RORA: variants seen among roughly 807,000 people sequenced by gnomAD.
The protein encoded by RORA is RAR related orphan receptor A.
Under a neutral mutation model 69.5 loss-of-function variants are expected in RORA, and 7 were observed. The observed-to-expected ratio is 0.10, with a 90% CI of 0.06 to 0.19. The LOEUF is 0.19. RORA is among the 10% of genes least tolerant of loss of function. The pLI, the probability that RORA is intolerant of heterozygous loss-of-function variation, is 1.00. For missense variants in RORA, 457 were observed against 663.0 expected, an observed-to-expected ratio of 0.69 and a Z score of 3.41; for synonymous variants, 261 against 240.8, an observed-to-expected ratio of 1.08 and a Z score of -0.78.
intron 2 of RORA, 43 bp downstream of exon 2, chr15:60,678,614 A>G: frequency 6.7e-7 from 1 of 1,492,794 alleles, no homozygotes; most frequent in South Asian, 1.1e-5. Context: ...GCGAATTCCA[A>G]CTCTTCAGAA....
chr15:60,875,056 A>G (rs2073598515), intron 1 of RORA, among the ~76,000 whole-genome samples: 1 of 152,092 alleles, frequency 6.6e-6, no homozygotes, highest in South Asian at 2.1e-4. Flanking sequence ...AAACACTGAG[A>G]CTCAGAGAGG....
chr15:61,119,987 T>C (rs1431312849), intron 1 of RORA, among the ~76,000 whole-genome samples: 4 of 152,012 alleles, frequency 2.6e-5, no homozygotes, highest in South Asian at 2.1e-4. Context: ...ACAGAGATGA[T>C]GGTAAAGGAG....
At chr15:60,966,200 T>G (rs1893550491) in intron 1 of RORA, among the ~76,000 whole-genome samples, 2 of 152,340 alleles carry the variant, frequency 1.3e-5, no homozygotes, top group South Asian at 4.1e-4. Context: ...ATATCAGTCC[T>G]GCTGGATTAG....
chr15:60,531,862 A>AGCAC lies in RORA; in HGVS notation c.197-15_197-12dup, dbSNP rs1397541430. 1 of 1,547,058 alleles carries AGCAC rather than the reference A, an allele frequency of 6.5e-7. No individual in the cohort carries two copies. The highest frequency in any genetic ancestry group is 1.9e-5 in the Admixed American group (1 of 52,406). On this transcript the variant is annotated splice_polypyrimidine_tract_variant and intron_variant, in intron 2 of 10. Coordinates refer to ENST00000335670, the MANE Select transcript of RORA (RefSeq NM_134261.3). The surrounding 1 kb of genome is among the most constrained non-coding windows in gnomAD (Gnocchi z 4.8). ...TAATTTCAATTTGAGCTGCAACAGA[A>AGCAC]GCACGCAACCAGTTAATTACATTTT...
At chr15:61,000,293 C>T (rs1292616774) in intron 1 of RORA, among the ~76,000 whole-genome samples, 1 of 152,186 alleles carries the variant, frequency 6.6e-6, no homozygotes, top group Non-Finnish European at 1.5e-5. Context: ...TAACGTGTGG[C>T]TTACACAGGT....
intron 1 of RORA, among the ~76,000 whole-genome samples, chr15:61,129,863 T>G (rs2079174919): frequency 6.6e-6 from 1 of 152,204 alleles, no homozygotes; most frequent in Non-Finnish European, 1.5e-5. Context: ...GATCCCCACT[T>G]TCCCCCACCT....
At chr15:61,089,465 C>A (rs1432947297) in intron 1 of RORA, among the ~76,000 whole-genome samples, 1 of 152,252 alleles carries the variant, frequency 6.6e-6, no homozygotes, top group South Asian at 2.1e-4. Flanking sequence ...CATATATATA[C>A]ACAGAAAATG....
chr15:60,558,102 A>C, intron 2 of RORA: 1 of 559,308 alleles, frequency 1.8e-6, no homozygotes, highest in Non-Finnish European at 3.0e-6. Flanking sequence ...GAGAAAACCA[A>C]GATTTTTGTC....
chr15:60,941,426 C>T (rs1472854140), intron 1 of RORA, among the ~76,000 whole-genome samples: 1 of 152,204 alleles, frequency 6.6e-6, no homozygotes, highest in African/African-American at 2.4e-5. Context: ...ACCCCAGGGC[C>T]AAATCTGGCT....
Position 60,490,383 on chromosome 15 carries a change from G to A in RORA, c.*7072C>T, listed in dbSNP as rs2065022430. 1 of 152,072 alleles carries A rather than the reference G, an allele frequency of 6.6e-6. No individual in the cohort carries two copies. Among genetic ancestry groups the A allele is most frequent in the Non-Finnish European group, 1.5e-5 (1 of 67,970 alleles). 9.4% of individuals were successfully genotyped at this position (152,072 alleles called of 1,614,324 possible). The stretch of plus-strand genomic sequence containing the variant: ...TAAAACCGGTATTATACAGCATATT[G>A]TGGATTTGATAAACAGATAAATATT... On this transcript the variant is annotated 3_prime_UTR_variant, in exon 11 of 11. Transcript: ENST00000335670. The surrounding 1 kb of genome is among the most constrained non-coding windows in gnomAD (Gnocchi z 4.1).
At chr15:61,023,610 C>T (rs1010883357) in intron 1 of RORA, among the ~76,000 whole-genome samples, 1 of 152,178 alleles carries the variant, frequency 6.6e-6, no homozygotes, top group African/African-American at 2.4e-5. Context: ...AAAGGTGGGA[C>T]AATCTCAAGA....
At chr15:61,121,288 A>G (rs942824411) in intron 1 of RORA, among the ~76,000 whole-genome samples, 1 of 152,188 alleles carries the variant, frequency 6.6e-6, no homozygotes, top group African/African-American at 2.4e-5. Flanking sequence ...AGGAAGTGGA[A>G]CTGGGTGGCT....
chr15:61,173,107 CA>C (rs1362686497), intron 1 of RORA, among the ~76,000 whole-genome samples: 1 of 152,044 alleles, frequency 6.6e-6, no homozygotes, highest in Non-Finnish European at 1.5e-5. Flanking sequence ...CATTTTTGAA[CA>C]TTTTCTTTCT....
chr15:60,834,135 ATAT>A lies in RORA; in HGVS notation c.167-155452_167-155450del, dbSNP rs2073083902. Among the ~76,000 whole-genome samples the A allele has an allele frequency of 1.3e-5, 2 of 152,212 alleles. 1 individual carries two copies. The highest frequency in any genetic ancestry group is 4.2e-4 in the South Asian group (2 of 4,816). On this transcript the variant is annotated intron_variant, in intron 1 of 10. Coordinates refer to ENST00000335670, the MANE Select transcript of RORA (RefSeq NM_134261.3). ...AAAGGTAAAAATAACAGTTCCTCAA[ATAT>A]TATAAAACTGCATAGAAAAGTCTCT...
chr15:60,998,906 G>A (rs930868773), intron 1 of RORA, among the ~76,000 whole-genome samples: 8 of 152,326 alleles, frequency 5.3e-5, no homozygotes, highest in African/African-American at 1.9e-4. Flanking sequence ...ACAGCCATAG[G>A]AGGCTCAGAT....
At chr15:60,597,406 G>A (rs1156937919) in intron 2 of RORA, among the ~76,000 whole-genome samples, 1 of 148,408 alleles carries the variant, frequency 6.7e-6, no homozygotes, top group Non-Finnish European at 1.5e-5. Flanking sequence ...ACCAGTCAAG[G>A]CAGGAAGGGG....
chr15:60,624,487 T>TATATATATATATATAC (rs1231454533), intron 2 of RORA, among the ~76,000 whole-genome samples: 4 of 122,760 alleles, frequency 3.3e-5, no homozygotes, highest in African/African-American at 1.3e-4. Context: ...TATATATATA[T>TATATATATATATATAC]ATATATATAT....
Position 60,489,853 on chromosome 15 carries a change from A to G in RORA, c.*7602T>C, listed in dbSNP as rs2065013764. 4 of 152,324 alleles carry G rather than the reference A, an allele frequency of 2.6e-5. No homozygotes were observed. The allele number at this position is 152,324 out of a possible 1,614,324, so 9.4% of individuals were successfully genotyped here. The stretch of plus-strand genomic sequence containing the variant: ...AGTAATACAATTCCTTAATAAGAAA[A>G]AAAAGTATATTACTCCATTAAACAA... On this transcript the variant is annotated 3_prime_UTR_variant, in exon 11 of 11. Coordinates refer to ENST00000335670, the MANE Select transcript of RORA (RefSeq NM_134261.3).
chr15:60,684,088 CT>C (rs577772010), intron 1 of RORA, among the ~76,000 whole-genome samples: 3 of 150,656 alleles, frequency 2.0e-5, no homozygotes, highest in African/African-American at 4.9e-5. Flanking sequence ...GTTAATTTTA[CT>C]TTTTTTTCTT....
Sources: gnomAD v4.1 joint callset for allele counts (sites outside exome capture counted in the v4.1 genomes callset) on GRCh38, gnomAD v4.1.1 for gene constraint, Gnocchi (gnomAD v3.1) non-coding constraint, MANE v1.5 for transcripts, NCBI Gene and HGNC (gene_info 2026-07-23, HGNC 2026-07-21) for gene names.